TAOK3: variants seen among roughly 807,000 people sequenced by gnomAD.
TAOK3 encodes the protein TAO kinase 3, also known as serine/threonine-protein kinase TAO3.
In TAOK3, 40 loss-of-function variants were observed where a neutral mutation model predicts 120.4. The observed-to-expected ratio is 0.33, with a 90% CI of 0.26 to 0.43. The LOEUF (loss-of-function observed/expected upper bound fraction) is 0.43, where lower values mean the gene tolerates loss of function less well. Among genes scored for constraint, TAOK3 ranks in the 20% least tolerant of loss-of-function variants. The pLI is 1.00. For synonymous variants in TAOK3, 355 were observed against 387.5 expected, an observed-to-expected ratio of 0.92 and a Z score of 0.99; for missense variants, 821 against 1,112.1, an observed-to-expected ratio of 0.74 and a Z score of 3.72.
chr12:118,250,700 T>C (rs550722914), intron 3 of TAOK3, among the ~76,000 whole-genome samples: 7 of 152,228 alleles, frequency 4.6e-5, no homozygotes, highest in Admixed American at 2.6e-4. Flanking sequence ...TCTAGGAGGA[T>C]AGACAATAAC....
At chr12:118,204,331 T>G (rs1226697262) in intron 11 of TAOK3, among the ~76,000 whole-genome samples, 1 of 152,164 alleles carries the variant, frequency 6.6e-6, no homozygotes, top group Non-Finnish European at 1.5e-5. Context: ...TGTAAAATTG[T>G]AATTTGAAGA....
chr12:118,349,817 A>T (rs1346918028), intron 1 of TAOK3, among the ~76,000 whole-genome samples: 1 of 152,222 alleles, frequency 6.6e-6, no homozygotes, highest in Admixed American at 6.5e-5. Context: ...CCCAAATGAC[A>T]GCTTCAATTT....
At chr12:118,169,717 T>A (rs562949384) in intron 17 of TAOK3, among the ~76,000 whole-genome samples, 1 of 151,938 alleles carries the variant, frequency 6.6e-6, no homozygotes, top group Non-Finnish European at 1.5e-5. Flanking sequence ...TCCATCATCT[T>A]TTCTCTCATA....
At chr12:118,300,128 T>C (rs1480698750) in intron 1 of TAOK3, among the ~76,000 whole-genome samples, 2 of 152,178 alleles carry the variant, frequency 1.3e-5, no homozygotes, top group Non-Finnish European at 2.9e-5. Flanking sequence ...ATCAAGGCAA[T>C]TCCTTTGCTG....
At chr12:118,368,036 T>C (rs2045788497) in intron 1 of TAOK3, among the ~76,000 whole-genome samples, 1 of 152,118 alleles carries the variant, frequency 6.6e-6, no homozygotes, top group Non-Finnish European at 1.5e-5. Flanking sequence ...ACGACTCCAG[T>C]AGTATAGAAA....
At chr12:118,164,743 A>G (rs926669773) in intron 17 of TAOK3, among the ~76,000 whole-genome samples, 1 of 152,176 alleles carries the variant, frequency 6.6e-6, no homozygotes, top group African/African-American at 2.4e-5. Flanking sequence ...AATTAGAACA[A>G]TAGAGGGCCT....
chr12:118,199,143 G>C lies in TAOK3; in HGVS notation c.1102C>G (p.Gln368Glu), dbSNP rs764049201. Residue 368 changes from glutamine to glutamate, a missense_variant, in exon 13 of 21, where the codon CAG becomes GAG. By Grantham distance (29) the Gln-to-Glu change is conservative (BLOSUM62 2). Around this residue, in one of 2 missense-constraint regions of TAOK3, gnomAD observed 467 missense variants for 540.0 expected, o/e 0.86. Coordinates refer to ENST00000392533, the MANE Select transcript of TAOK3 (RefSeq NM_016281.4). ...GAACTGCTCTCGTCCATGACTTCCT[G>C]CATGCTGTTCACACTGCTGCTCTGG... ...GSQSSSVNSM[Q>E]EVMDESSSEL... The C allele has an allele frequency of 6.2e-7, 1 of 1,614,126 alleles. No individual in the cohort carries two copies. The highest frequency in any genetic ancestry group is 8.5e-7 in the Non-Finnish European group (1 of 1,180,026).
chr12:118,238,073 C>T lies in TAOK3; in HGVS notation c.437G>A (p.Arg146Lys), dbSNP rs146042877. 2 of 1,584,426 alleles carry T rather than the reference C, an allele frequency of 1.3e-6. No individual in the cohort carries two copies. The highest frequency in any genetic ancestry group is 1.7e-6 in the Non-Finnish European group (2 of 1,157,328). ...AYLHSHALIH[R>K]DIKAGNILLT... Reference sequence around the variant, plus strand: ...AAACATAACTGGTCTCTAATCTTACCTATGAATCAATGCATGAGAATGTAG... The same window carrying T: ...AAACATAACTGGTCTCTAATCTTACTTATGAATCAATGCATGAGAATGTAG... The change falls in exon 7 of 21, where the codon AGG (arginine) becomes AAG (lysine). Residue 146 changes from arginine (R) to lysine (K), a missense_variant and splice_region_variant. This residue lies in a region of TAOK3 where 467 missense variants were observed against 540.0 expected (regional missense o/e 0.86). Coordinates refer to ENST00000392533, the MANE Select transcript of TAOK3 (RefSeq NM_016281.4).
chr12:118,304,671 T>C (rs1199114128), intron 1 of TAOK3, among the ~76,000 whole-genome samples: 1 of 152,224 alleles, frequency 6.6e-6, no homozygotes, highest in Non-Finnish European at 1.5e-5. Context: ...TTGAATGTTA[T>C]ATGTGTACAA....
intron 3 of TAOK3, among the ~76,000 whole-genome samples, chr12:118,247,810 C>T (rs530380438): frequency 6.6e-6 from 1 of 152,284 alleles, no homozygotes; most frequent in South Asian, 2.1e-4. Flanking sequence ...CTACTGCTCC[C>T]AGCCTCAACT....
chr12:118,196,677 C>T (rs1457298337), intron 13 of TAOK3, among the ~76,000 whole-genome samples: 1 of 152,130 alleles, frequency 6.6e-6, no homozygotes, highest in African/African-American at 2.4e-5. Flanking sequence ...ATTTAACTTT[C>T]TCAAACTGTA....
rs772771240 is a variant in TAOK3, at chr12:118,152,310, T to G, written c.2452A>C (p.Met818Leu). ...LLNAYQSKIK[M>L]QTEAQHEREL... ...CGTTCATGTTGTGCCTCTGTTTGCATCTTGATTTTGCTCTGGTAGGCGTTG... is the reference window on the plus strand; with the variant it reads ...CGTTCATGTTGTGCCTCTGTTTGCAGCTTGATTTTGCTCTGGTAGGCGTTG... Residue 818 changes from methionine to leucine, a missense_variant, in exon 20 of 21, where the codon ATG (methionine) becomes CTG (leucine). Around this residue, in one of 2 missense-constraint regions of TAOK3, gnomAD observed 354 missense variants for 572.1 expected, o/e 0.62. Transcript: ENST00000392533. 1 of 1,614,208 alleles carries G rather than the reference T, an allele frequency of 6.2e-7. No individual in the cohort carries two copies. The highest frequency in any genetic ancestry group is 1.1e-5 in the South Asian group (1 of 91,080).
intron 9 of TAOK3, among the ~76,000 whole-genome samples, chr12:118,226,410 T>C (rs1226311751): frequency 1.3e-5 from 2 of 151,678 alleles, no homozygotes; most frequent in African/African-American, 2.4e-5. Flanking sequence ...GGCAGGCGCC[T>C]GTAGTACCAG....
At chr12:118,368,222 A>C (rs2045794962) in intron 1 of TAOK3, among the ~76,000 whole-genome samples, 1 of 152,102 alleles carries the variant, frequency 6.6e-6, no homozygotes. Context: ...TTTGAGACGG[A>C]GTCTCGCTCT....
chr12:118,160,146 C>T lies in TAOK3; in HGVS notation c.2352G>A (p.Ala784=). The change falls in exon 19 of 21, where the codon GCG becomes GCA. Residue 784 remains alanine, a splice_region_variant and synonymous_variant. Transcript: ENST00000392533. This position sits in a 1 kb window ranked among gnomAD's most constrained non-coding sequence, Gnocchi z 4.2. ...QSINEMMASQ[A]LRLDEAQEAE... ...CGTGGCACCAAACCTAACCACTTAC[C>T]GCTTGAGAGGCCATCATTTCATTTA... 1 of 1,613,342 alleles carries T rather than the reference C, an allele frequency of 6.2e-7. No individual in the cohort carries two copies. Among genetic ancestry groups the T allele is most frequent in the Non-Finnish European group, 8.5e-7 (1 of 1,179,268 alleles).
chr12:118,239,869 T>A lies in TAOK3; in HGVS notation c.295-597A>T, dbSNP rs370081696. On this transcript the variant is annotated intron_variant, in intron 5 of 20. Coordinates refer to ENST00000392533, the MANE Select transcript of TAOK3 (RefSeq NM_016281.4). ...TAAAATATTTCCAGAATAATATTAT[T>A]ATAATACTATTGATAGGCTAGGTGC... is the stretch of plus-strand genomic sequence containing the variant. 7.2e-5 allele frequency among the ~76,000 whole-genome samples: 11 copies of A among 152,280 alleles called. No individual in the cohort carries two copies. In the East Asian group the frequency reaches 1.7e-3, roughly 24 times the overall value.
intron 17 of TAOK3, among the ~76,000 whole-genome samples, chr12:118,164,461 A>G (rs1159730800): frequency 6.6e-6 from 1 of 152,042 alleles, no homozygotes; most frequent in Non-Finnish European, 1.5e-5. Context: ...TTTGTTGCCC[A>G]GGCTGGAGTG....
intron 1 of TAOK3, among the ~76,000 whole-genome samples, chr12:118,288,482 C>T (rs1217489279): frequency 6.6e-6 from 1 of 152,166 alleles, no homozygotes; most frequent in African/African-American, 2.4e-5. Context: ...AGAGAGCCCA[C>T]ACCAGAAGCT....
chr12:118,241,673 TC>T (rs1384680256), intron 5 of TAOK3, among the ~76,000 whole-genome samples: 1 of 152,230 alleles, frequency 6.6e-6, no homozygotes, highest in Non-Finnish European at 1.5e-5. Flanking sequence ...CCTGACTTTT[TC>T]CGTATGGTTA....
Sources: gnomAD v4.1 joint callset for allele counts (sites outside exome capture counted in the v4.1 genomes callset) on GRCh38, gnomAD v4.1.1 for gene constraint, gnomAD v4.1.1 regional missense constraint, Gnocchi (gnomAD v3.1) non-coding constraint, MANE v1.5 for transcripts, NCBI Gene and HGNC (gene_info 2026-07-23, HGNC 2026-07-21) for gene names.